SHPRH: variants seen among roughly 807,000 people sequenced by gnomAD.
SHPRH encodes the protein E3 ubiquitin-protein ligase SHPRH.
Under a neutral mutation model 202.5 loss-of-function variants are expected in SHPRH, and 106 were observed. The observed-to-expected ratio is 0.52, with a 90% CI of 0.45 to 0.62. The LOEUF (loss-of-function observed/expected upper bound fraction) is 0.62. SHPRH is among the 20% of genes least tolerant of loss of function. The probability of loss-of-function intolerance (pLI) is 0.00; values close to 1 mark genes in which losing one functional copy is unlikely to be tolerated. For missense variants in SHPRH, 1,710 were observed against 2,020.0 expected (o/e 0.85, Z 2.94); for synonymous variants, 729 against 686.0 (o/e 1.06, Z -0.98).
intron 7 of SHPRH, 93 bp downstream of exon 7, chr6:145,946,140 T>A (rs1051042072): frequency 6.9e-6 from 6 of 875,188 alleles, no homozygotes; most frequent in Middle Eastern, 2.5e-4. Context: ...AAAACAATTG[T>A]TTATAACAAT....
At chr6:145,868,419 T>C (rs1372583523) in intron 2 of SHPRH, among the ~76,000 whole-genome samples, 1 of 152,208 alleles carries the variant, frequency 6.6e-6, no homozygotes, top group Middle Eastern at 3.2e-3. Flanking sequence ...CTGCTTAATA[T>C]CACACAGCTG....
intron 9 of SHPRH, among the ~76,000 whole-genome samples, chr6:145,942,701 A>G (rs184192265): frequency 5.3e-5 from 8 of 152,332 alleles, no homozygotes; most frequent in Non-Finnish European, 1.2e-4. Context: ...TAAGTGGTCA[A>G]TAAAGATTTG....
At chr6:145,900,499 G>A (rs541132877) in intron 25 of SHPRH, among the ~76,000 whole-genome samples, 4 of 152,194 alleles carry the variant, frequency 2.6e-5, no homozygotes, top group South Asian at 4.1e-4. Context: ...AGAGGCTGGA[G>A]TTTGTGGGGG....
intron 1 of SHPRH, among the ~76,000 whole-genome samples, chr6:145,963,473 T>C (rs1435864669): frequency 6.6e-6 from 1 of 152,218 alleles, no homozygotes; most frequent in African/African-American, 2.4e-5. Context: ...TAACTGATCA[T>C]TATACAGTGA....
At chr6:145,866,670 G>A (rs1296184744) in intron 2 of SHPRH, among the ~76,000 whole-genome samples, 1 of 152,192 alleles carries the variant, frequency 6.6e-6, no homozygotes, top group East Asian at 1.9e-4. Context: ...AGGTGTAGAA[G>A]TCTCACGCTG....
At chr6:145,920,000 T>C (rs774918389) in intron 21 of SHPRH, among the ~76,000 whole-genome samples, 19 of 152,134 alleles carry the variant, frequency 1.2e-4, no homozygotes, top group African/African-American at 2.9e-4. Context: ...CTATTCTGAA[T>C]TGTACTTATC....
At chr6:145,930,460 G>A (rs1785320245) in intron 14 of SHPRH, among the ~76,000 whole-genome samples, 1 of 152,064 alleles carries the variant, frequency 6.6e-6, no homozygotes, top group African/African-American at 2.4e-5. Context: ...TCACTTCAAA[G>A]TATCTCCTAC....
rs184688841 is a variant in SHPRH, at chr6:145,895,728, T to C, written c.4516-751A>G. 1.2e-4 allele frequency among the ~76,000 whole-genome samples: 18 copies of C among 152,114 alleles called. No individual in the cohort carries two copies. The East Asian group carries it at 3.3e-3, about 28-fold the overall frequency. On this transcript the variant is annotated intron_variant, in intron 25 of 29. Transcript: ENST00000275233. ...ACAGAGAAATTAAGGTTATGGGATT[T>C]TGAATGAGACAAATTTAAGTTCAAC...
intron 26 of SHPRH, 64 bp downstream of exon 26, chr6:145,894,821 G>A: frequency 2.0e-6 from 3 of 1,489,914 alleles, no homozygotes; most frequent in South Asian, 2.3e-5. Context: ...GTTCTCAGCT[G>A]TAAACTGATT....
At chr6:145,962,742 T>C (rs936157406) in intron 1 of SHPRH, among the ~76,000 whole-genome samples, 2 of 152,210 alleles carry the variant, frequency 1.3e-5, no homozygotes, top group Non-Finnish European at 2.9e-5. Flanking sequence ...ACTTGCCATA[T>C]TCCTGTCCAA....
chr6:145,899,528 A>G (rs138385309), intron 25 of SHPRH, among the ~76,000 whole-genome samples: 92 of 152,320 alleles, frequency 6.0e-4, no homozygotes, highest in African/African-American at 2.1e-3. Flanking sequence ...CACCGCATAT[A>G]CAAAAATCAT....
rs1416331401 is a variant in SHPRH, at chr6:145,933,126, C to T, written c.3043G>A (p.Glu1015Lys). 4.3e-6 allele frequency: 7 copies of T among 1,613,860 alleles called. No individual in the cohort carries two copies. Among genetic ancestry groups the T allele is most frequent in the Non-Finnish European group, 5.9e-6 (7 of 1,179,936 alleles). ...LTSLQKKCGT[E>K]CEEAHRQLVC... is the part of the protein sequence containing the mutation. ...AGCTGTCGATGTGCTTCTTCACATTCAGTTCCACATTTCTTCTGCAAAGAT... is the reference window on the plus strand; with the variant it reads ...AGCTGTCGATGTGCTTCTTCACATTTAGTTCCACATTTCTTCTGCAAAGAT... The change falls in exon 14 of 30, where the codon GAA becomes AAA. Residue 1015 changes from glutamate (E) to lysine (K), a missense_variant. Glu to Lys is a moderately conservative substitution (Grantham distance 56). Around this residue, in one of 8 missense-constraint regions of SHPRH, gnomAD observed 23 missense variants for 36.7 expected, o/e 0.63. Coordinates refer to ENST00000275233, the MANE Select transcript of SHPRH (RefSeq NM_001042683.3).
intron 5 of SHPRH, 88 bp from the exon 6 acceptor site, chr6:145,947,731 A>G: frequency 6.9e-7 from 1 of 1,444,904 alleles, no homozygotes; most frequent in Non-Finnish European, 9.4e-7. Flanking sequence ...GAGAACTGGA[A>G]GCAATGCATA....
rs1231901217 is a variant in SHPRH at position 145,955,078 on chromosome 6, G to C, written c.245C>G (p.Pro82Arg). 24 of 1,613,042 alleles carry C rather than the reference G, an allele frequency of 1.5e-5. No individual in the cohort carries two copies. Among genetic ancestry groups the C allele is most frequent in the Non-Finnish European group, 1.9e-5 (22 of 1,179,920 alleles). The change falls in exon 2 of 30, where the codon CCA becomes CGA. Residue 82 changes from proline to arginine, a missense_variant. Transcript: ENST00000275233. ...ACCAACAGTCTCTTCTTTTTCAATT[G>C]GTTTTGAGAAGCTCACCACTTTTGA... ...RCSKVVSFSK[P>R]IEKEETVGIF...
intron 10 of SHPRH, 38 bp from the exon 11 acceptor site, chr6:145,940,839 G>GA (rs756736551): frequency 1.2e-6 from 2 of 1,602,852 alleles, no homozygotes; most frequent in East Asian, 2.2e-5. Flanking sequence ...ATGAAATCCA[G>GA]AAAACCACAG....
intron 11 of SHPRH, among the ~76,000 whole-genome samples, chr6:145,938,087 T>A (rs754535109): frequency 1.1e-4 from 16 of 152,286 alleles, no homozygotes; most frequent in Non-Finnish European, 1.9e-4. Flanking sequence ...TTTGAATGTA[T>A]CCCCCAAAAG....
At chr6:145,949,673 A>G (rs112764884) in intron 4 of SHPRH, among the ~76,000 whole-genome samples, 18 of 152,058 alleles carry the variant, frequency 1.2e-4, no homozygotes, top group African/African-American at 3.9e-4. Context: ...CTTCACCACT[A>G]TGCAATTCAT....
chr6:145,956,508 C>T (rs1788527845), intron 1 of SHPRH, among the ~76,000 whole-genome samples: 1 of 151,816 alleles, frequency 6.6e-6, no homozygotes, highest in Admixed American at 6.6e-5. Flanking sequence ...TCAACAAAAG[C>T]CAAAAGGACT....
chr6:145,891,840 AAT>A (rs1244987504), intron 28 of SHPRH, among the ~76,000 whole-genome samples: 2 of 152,166 alleles, frequency 1.3e-5, no homozygotes, highest in Non-Finnish European at 2.9e-5. Flanking sequence ...CGTGGTTTTA[AAT>A]ATGAGACTAG....
Sources: allele counts gnomAD v4.1 joint callset (sites outside exome capture counted in the v4.1 genomes callset), GRCh38; gene constraint gnomAD v4.1.1; regional missense constraint gnomAD v4.1.1; transcripts MANE v1.5; gene names NCBI Gene and HGNC (gene_info 2026-07-23, HGNC 2026-07-21).